The following MARF1 variants were observed in gnomAD, a reference collection of about 807,000 sequenced individuals.
The protein encoded by MARF1 is limkain-b1.
MARF1 carries 24 observed loss-of-function variants against 168.2 expected under a neutral mutation model. The ratio of observed to expected loss-of-function variants is 0.14; its 90% CI spans 0.10 to 0.20. MARF1 has a LOEUF of 0.20. Ranked by LOEUF, MARF1 falls within the 10% of genes least tolerant of loss-of-function variation. MARF1 has a pLI of 1.00. For missense variants in MARF1, 1,744 were observed against 2,143.6 expected, an observed-to-expected ratio of 0.81 and a Z score of 3.68; for synonymous variants, 868 against 822.4, an observed-to-expected ratio of 1.06 and a Z score of -0.95.
chr16:15,606,839 C>A (rs1292404382), intron 21 of MARF1, among the ~76,000 whole-genome samples: 5 of 152,174 alleles, frequency 3.3e-5, no homozygotes, highest in African/African-American at 1.2e-4. Flanking sequence ...CAGCCCAAAT[C>A]CTCCCTTGCT....
At chr16:15,631,874 T>G (rs2035278779) in intron 5 of MARF1, among the ~76,000 whole-genome samples, 1 of 152,220 alleles carries the variant, frequency 6.6e-6, no homozygotes. Flanking sequence ...TACATTAGTT[T>G]GCTGAGAATA....
rs760696104 is a variant in MARF1, at chr16:15,625,161, T to G, written c.1966A>C (p.Met656Leu). ...NVKSLQELCRMESKTGHRNSE... is the reference protein window; with the variant it reads ...NVKSLQELCRLESKTGHRNSE... The stretch of plus-strand genomic sequence containing the variant: ...TTTCTATGACCAGTTTTTGACTCCA[T>G]GCGGCACAGCTCCTTCAAAGACACA... Residue 656 changes from methionine to leucine, a missense_variant, in exon 9 of 27, where the codon ATG becomes CTG. Physicochemically the swap from Met to Leu is conservative, Grantham distance 15. Coordinates refer to ENST00000396368, the MANE Select transcript of MARF1 (RefSeq NM_014647.4). 8 of 1,614,094 alleles carry G rather than the reference T, an allele frequency of 5.0e-6. No individual in the cohort carries two copies. Among genetic ancestry groups the G allele is most frequent in the Non-Finnish European group, 5.9e-6 (7 of 1,180,026 alleles).
rs1440217225 is a variant in MARF1 at position 15,596,615 on chromosome 16, G to C, written c.*78C>G. The C allele has an allele frequency of 6.4e-6, 9 of 1,405,682 alleles. No homozygotes were observed. The East Asian group carries it at 2.2e-4, about 34-fold the overall frequency. 87.1% of individuals were successfully genotyped at this position (1,405,682 alleles called of 1,614,324 possible). ...GGGGGGTTTTCATGACACAGAAAAG[G>C]ATGTATTTTTGAAACCCACTTTTGT... is the stretch of plus-strand genomic sequence containing the variant. On this transcript the variant is annotated 3_prime_UTR_variant, in exon 27 of 27. Coordinates refer to ENST00000396368, the MANE Select transcript of MARF1 (RefSeq NM_014647.4).
At chr16:15,615,256 G>A (rs2033947793) in intron 16 of MARF1, among the ~76,000 whole-genome samples, 1 of 152,136 alleles carries the variant, frequency 6.6e-6, no homozygotes, top group Non-Finnish European at 1.5e-5. Context: ...AGCATTTTGG[G>A]AGGCCATAGT....
In MARF1 at chr16:15,633,524, T is replaced by C. The variant is rs544078315; in HGVS notation, c.1233+93A>G. ...ATGCGTCACTGCACTCCAGCCTGGG[T>C]GACACTTAGACTCTGTCTCAAAACA... On this transcript the variant is annotated intron_variant, in intron 5 of 26. Transcript: ENST00000396368. 1.5e-3 allele frequency: 1,475 copies of C among 952,574 alleles called. 1 individual carries two copies. The highest frequency in any genetic ancestry group is 1.8e-3 in the Non-Finnish European group (1,148 of 645,558). 59.0% of individuals were successfully genotyped at this position (952,574 alleles called of 1,614,324 possible). A position where few individuals can be genotyped will look rare whatever the true frequency, so the allele number is the denominator to read the frequency against.
In MARF1 at chr16:15,642,757, CAG is replaced by C. The variant is rs1468815337; in HGVS notation, c.-59+259_-59+260del. On this transcript the variant is annotated intron_variant, in intron 1 of 26. Coordinates refer to ENST00000396368, the MANE Select transcript of MARF1 (RefSeq NM_014647.4). ...CTGGAGGGCCCCACCAGGGGTCAGA[CAG>C]GGGCGGGCGGGGAGCCAAATGCCCT... Among the ~76,000 whole-genome samples, 3 of 152,190 alleles carry C rather than the reference CAG, an allele frequency of 2.0e-5. No homozygotes were observed. The East Asian group carries it at 5.8e-4, about 29-fold the overall frequency.
intron 22 of MARF1, chr16:15,602,480 CAAG>C (rs779017534): frequency 3.2e-5 from 18 of 569,388 alleles, no homozygotes; most frequent in Admixed American, 2.2e-4. Flanking sequence ...AGACAAAGAA[CAAG>C]AAGACGAAGA....
At chr16:15,616,097 T>C in intron 15 of MARF1, 92 bp from the exon 16 acceptor site, 1 of 1,077,858 alleles carries the variant, frequency 9.3e-7, no homozygotes, top group Non-Finnish European at 1.3e-6. Context: ...TGGTTTAATG[T>C]ATGTGTTAAT....
chr16:15,634,568 A>G (rs940292220), intron 4 of MARF1, among the ~76,000 whole-genome samples, 189 bp downstream of exon 4: 5 of 152,132 alleles, frequency 3.3e-5, no homozygotes, highest in African/African-American at 9.7e-5. Context: ...CCTCGGCCCA[A>G]CATAAAGGGC....
At chr16:15,624,113 G>A (rs1026887224) in intron 10 of MARF1, among the ~76,000 whole-genome samples, 16 of 151,514 alleles carry the variant, frequency 1.1e-4, no homozygotes, top group African/African-American at 3.4e-4. Flanking sequence ...GGGTTTCACC[G>A]TGTTAGCCGG....
intron 1 of MARF1, 100 bp from the exon 2 acceptor site, chr16:15,639,391 G>T: frequency 2.6e-6 from 2 of 760,498 alleles, no homozygotes; most frequent in Non-Finnish European, 2.1e-6. Context: ...ACAGTCCTAT[G>T]GCTCTCAACA....
At chr16:15,611,425 C>A (rs899587040) in intron 18 of MARF1, among the ~76,000 whole-genome samples, 167 bp downstream of exon 18, 11 of 130,308 alleles carry the variant, frequency 8.4e-5, no homozygotes. Context: ...TGCCACTGGG[C>A]GACAGAGCGA....
rs1884913227 is a variant in MARF1, at chr16:15,595,159, ATACT to A, written c.*1530_*1533del. 1 of 152,610 alleles carries A rather than the reference ATACT, an allele frequency of 6.6e-6. No homozygotes were observed. Among genetic ancestry groups the A allele is most frequent in the Admixed American group, 6.5e-5 (1 of 15,276 alleles). The allele number at this position is 152,610 out of a possible 1,614,324, so 9.5% of individuals were successfully genotyped here. Reference sequence around the variant, plus strand: ...TCAGGAGGATTCGGAGAGTGCCATAATACTTACAGGGTTTTTTCCATGGTGTTCT... The same window carrying A: ...TCAGGAGGATTCGGAGAGTGCCATAATACAGGGTTTTTTCCATGGTGTTCT... On this transcript the variant is annotated 3_prime_UTR_variant, in exon 27 of 27. Coordinates refer to ENST00000396368, the MANE Select transcript of MARF1 (RefSeq NM_014647.4).
chr16:15,639,199 C>T lies in MARF1; in HGVS notation c.35G>A (p.Ser12Asn). The change falls in exon 2 of 27, where the codon AGT (serine) becomes AAT (asparagine). Residue 12 changes from serine (S) to asparagine (N), a missense_variant. Ser to Asn is a conservative substitution (Grantham distance 46, BLOSUM62 1). Coordinates refer to ENST00000396368, the MANE Select transcript of MARF1 (RefSeq NM_014647.4). ...TTGTTGAAGCCATCCACGTGTTCTA[C>T]TGCAGGAGTTCTCAGTTCCGTTTCC... Reference protein sequence around the residue: ...MEGNGTENSCSRTRGWLQQDN... With the variant: ...MEGNGTENSCNRTRGWLQQDN... 6.2e-7 allele frequency: 1 copy of T among 1,614,104 alleles called. No individual in the cohort carries two copies. The highest frequency in any genetic ancestry group is 1.1e-5 in the South Asian group (1 of 91,070).
intron 18 of MARF1, 111 bp downstream of exon 18, chr16:15,611,481 A>C: frequency 1.0e-6 from 1 of 1,002,088 alleles, no homozygotes; most frequent in South Asian, 1.8e-5. Flanking sequence ...AACTACTACA[A>C]GTTTTCCAAA....
At position 15,609,600 on chromosome 16, in the gene MARF1, C is replaced by T; in HGVS notation, c.3877G>A (p.Gly1293Ser). The T allele has an allele frequency of 6.2e-7, 1 of 1,614,126 alleles. No homozygotes were observed. Among genetic ancestry groups the T allele is most frequent in the Non-Finnish European group, 8.5e-7 (1 of 1,180,018 alleles). The change falls in exon 20 of 27, where the codon GGC (glycine) becomes AGC (serine). Residue 1293 changes from glycine to serine, a missense_variant. Physicochemically the swap from Gly to Ser is moderately conservative, Grantham distance 56 (BLOSUM62 0). This residue lies in a region of MARF1 where 543 missense variants were observed against 742.1 expected (regional missense o/e 0.73). Coordinates refer to ENST00000396368, the MANE Select transcript of MARF1 (RefSeq NM_014647.4). ...KFIPSYHHHF[G>S]RQCKLAYYGF... ...TAGTACGCAAGTTTGCACTGCCGGC[C>T]AAAGTGGTGATGGTAAGAAGGGATA...
chr16:15,613,157 T>C (rs561431222), intron 16 of MARF1, among the ~76,000 whole-genome samples: 7 of 152,292 alleles, frequency 4.6e-5, no homozygotes, highest in Admixed American at 4.6e-4. Context: ...AAGTTATAAA[T>C]GGTCATCAGG....
rs565614897 is a variant in MARF1, at chr16:15,640,534, T to A, written c.-58-1243A>T. ...GCCTGGGCAACATGGCAAAACCCCA[T>A]GGCTACAAAAAATTAGCTGAGCGTG... On this transcript the variant is annotated intron_variant, in intron 1 of 26. Coordinates refer to ENST00000396368, the MANE Select transcript of MARF1 (RefSeq NM_014647.4). Among the ~76,000 whole-genome samples, 4 of 152,062 alleles carry A rather than the reference T, an allele frequency of 2.6e-5. No homozygotes were observed. In the East Asian group the frequency reaches 7.8e-4, roughly 30 times the overall value.
In MARF1 at chr16:15,617,361, T is replaced by C. The variant is rs777529009; in HGVS notation, c.2895A>G (p.Ile965Met). 3 of 1,614,122 alleles carry C rather than the reference T, an allele frequency of 1.9e-6. No homozygotes were observed. The highest frequency in any genetic ancestry group is 2.5e-6 in the Non-Finnish European group (3 of 1,180,010). Residue 965 changes from isoleucine (I) to methionine (M), a missense_variant, in exon 14 of 27, where the codon ATA becomes ATG. This residue lies in a region of MARF1 where 543 missense variants were observed against 742.1 expected (regional missense o/e 0.73). Transcript: ENST00000396368. ...GCTCGTGATATTCTAACTCTTCAAA[T>C]ATAATTGGGCTGCAATTCGTGGAGG... ...DGSSTNCSPI[I>M]FEELEYHEPV...
Sources: gnomAD v4.1 joint callset for allele counts (sites outside exome capture counted in the v4.1 genomes callset) on GRCh38, gnomAD v4.1.1 for gene constraint, gnomAD v4.1.1 regional missense constraint, MANE v1.5 for transcripts, NCBI Gene and HGNC (gene_info 2026-07-23, HGNC 2026-07-21) for gene names.